The following CSMD2 variants were observed in gnomAD, a reference collection of about 807,000 sequenced individuals.
CSMD2 encodes the protein CUB and sushi domain-containing protein 2.
A neutral mutation model predicts 398.5 loss-of-function variants in CSMD2; 130 were observed. The observed-to-expected ratio is 0.33, with a 90% confidence interval of 0.28 to 0.38. The LOEUF is 0.38. Among genes scored for constraint, CSMD2 ranks in the 10% least tolerant of loss-of-function variants. The pLI is 1.00. For missense variants in CSMD2, 3,829 were observed against 4,764.9 expected, an observed-to-expected ratio of 0.80 and a Z score of 5.78; for synonymous variants, 1,828 against 1,908.5, an observed-to-expected ratio of 0.96 and a Z score of 1.10.
intron 13 of CSMD2, among the ~76,000 whole-genome samples, chr1:33,766,050 T>C (rs1168171979): frequency 1.3e-5 from 2 of 152,220 alleles, no homozygotes; most frequent in Non-Finnish European, 2.9e-5. Flanking sequence ...CTCTGGCCCA[T>C]GGCTACCCAG....
At chr1:33,527,371 T>C in intron 64 of CSMD2, 113 bp from the exon 65 acceptor site, 1 of 763,436 alleles carries the variant, frequency 1.3e-6, no homozygotes, top group Non-Finnish European at 2.1e-6. Flanking sequence ...GAGATCTTGC[T>C]TTCCCCTTAT....
At chr1:33,870,803 A>T (rs1227162753) in intron 5 of CSMD2, 1 of 151,952 alleles carries the variant, frequency 6.6e-6, no homozygotes, top group Non-Finnish European at 1.5e-5. Context: ...AAGTGATAGG[A>T]TTTCACTTCT....
intron 27 of CSMD2, among the ~76,000 whole-genome samples, chr1:33,655,320 G>C (rs1031099400): frequency 1.3e-5 from 2 of 152,208 alleles, no homozygotes; most frequent in African/African-American, 4.8e-5. Context: ...TCCTCATCTC[G>C]AAAGTAAAAG....
chr1:34,072,178 A>G (rs1655799401), intron 2 of CSMD2, among the ~76,000 whole-genome samples: 1 of 152,258 alleles, frequency 6.6e-6, no homozygotes, highest in South Asian at 2.1e-4. Context: ...TTAAGGGTAC[A>G]ATAATTTGGC....
rs1399663739 is a variant in CSMD2, at chr1:33,882,810, TTTCTTCCTTCCA to T, written c.920+35272_920+35283del. 2.6e-5 allele frequency among the ~76,000 whole-genome samples: 4 copies of T among 152,338 alleles called. No homozygotes were observed. The East Asian group carries it at 7.7e-4, about 29-fold the overall frequency. On this transcript the variant is annotated intron_variant, in intron 5 of 70. Coordinates refer to ENST00000373381, the MANE Select transcript of CSMD2 (RefSeq NM_001281956.2). ...TTTACTAGCTAACTTCCCCCTTTCC[TTTCTTCCTTCCA>T]TTCTTCCTTCTTTCCTTCCCTTCTC...
chr1:33,866,511 T>C (rs1189888853), intron 5 of CSMD2, among the ~76,000 whole-genome samples: 1 of 152,232 alleles, frequency 6.6e-6, no homozygotes, highest in African/African-American at 2.4e-5. Context: ...ACAGCTGCTA[T>C]TCCAACTTGG....
chr1:34,155,086 T>C (rs1640686243), intron 1 of CSMD2, among the ~76,000 whole-genome samples: 1 of 152,182 alleles, frequency 6.6e-6, no homozygotes. Context: ...TTATTGGGAT[T>C]GGGATAGCTT....
At position 33,743,599 on chromosome 1, in the gene CSMD2, G is replaced by A. The variant is rs771090984; in HGVS notation, c.1854C>T (p.Cys618=). 6.3e-7 allele frequency: 1 copy of A among 1,593,002 alleles called. No individual in the cohort carries two copies. Among genetic ancestry groups the A allele is most frequent in the South Asian group, 1.1e-5 (1 of 88,420 alleles). The change falls in exon 14 of 71, where the codon TGC becomes TGT. Residue 618 remains cysteine (C), a synonymous_variant. Coordinates refer to ENST00000373381, the MANE Select transcript of CSMD2 (RefSeq NM_001281956.2). ...CAGACGGGCTGGTGAAGTTGAAGAAGCAGGAGACTGCAAGAGAAGAGCAGT... is the reference window on the plus strand; with the variant it reads ...CAGACGGGCTGGTGAAGTTGAAGAAACAGGAGACTGCAAGAGAAGAGCAGT... ...SAKKPGCVFS[C]FFNFTSPSGV...
intron 27 of CSMD2, among the ~76,000 whole-genome samples, chr1:33,656,745 G>T (rs1480433798): frequency 6.6e-6 from 1 of 152,218 alleles, no homozygotes; most frequent in East Asian, 1.9e-4. Context: ...CTAGCTCTGT[G>T]ATTTGGGACA....
intron 3 of CSMD2, 35 bp downstream of exon 3, chr1:34,032,559 C>G: frequency 7.2e-7 from 1 of 1,383,658 alleles, no homozygotes. Context: ...GACATCACAT[C>G]TCCGGCTCCT....
chr1:33,997,068 A>C (rs1646749275), intron 3 of CSMD2, among the ~76,000 whole-genome samples: 1 of 152,184 alleles, frequency 6.6e-6, no homozygotes, highest in South Asian at 2.1e-4. Context: ...TTGTGTTCTC[A>C]ACCCTCAGGC....
At chr1:34,130,308 G>A (rs1404081076) in intron 1 of CSMD2, among the ~76,000 whole-genome samples, 1 of 149,632 alleles carries the variant, frequency 6.7e-6, no homozygotes, top group African/African-American at 2.5e-5. Context: ...GCAGGTATCT[G>A]CAGGGTAAGA....
chr1:33,606,563 G>C lies in CSMD2; in HGVS notation c.6344-1093C>G, dbSNP rs1292217405. Among the ~76,000 whole-genome samples the C allele has an allele frequency of 2.0e-5, 3 of 152,208 alleles. 1 individual carries two copies. Among genetic ancestry groups the C allele is most frequent in the African/African-American group, 7.2e-5 (3 of 41,458 alleles). ...GGGTGGCTGCTTAGCCCCAGGACAG[G>C]CCTGGCCCTGCAGCACGGGGGTTTG... On this transcript the variant is annotated intron_variant, in intron 41 of 70. Coordinates refer to ENST00000373381, the MANE Select transcript of CSMD2 (RefSeq NM_001281956.2).
intron 5 of CSMD2, among the ~76,000 whole-genome samples, chr1:33,852,981 G>T (rs1264672201): frequency 6.6e-6 from 1 of 152,182 alleles, no homozygotes; most frequent in Non-Finnish European, 1.5e-5. Context: ...AAAAAAGTTT[G>T]CTAATTCCTA....
intron 5 of CSMD2, among the ~76,000 whole-genome samples, chr1:33,886,973 AG>A (rs1406457651): frequency 2.6e-5 from 4 of 151,378 alleles, no homozygotes; most frequent in Non-Finnish European, 4.4e-5. Flanking sequence ...TGAGACTCAG[AG>A]GTTTTTTTTT....
At chr1:33,657,804 G>A in intron 27 of CSMD2, 142 bp downstream of exon 27, 1 of 744,224 alleles carries the variant, frequency 1.3e-6, no homozygotes, top group Non-Finnish European at 2.2e-6. Flanking sequence ...GCAAAGCAGG[G>A]TAAACAATGG....
intron 25 of CSMD2, among the ~76,000 whole-genome samples, chr1:33,680,368 G>A (rs1003277441): frequency 1.3e-5 from 2 of 151,748 alleles, no homozygotes; most frequent in East Asian, 1.9e-4. Flanking sequence ...AGCTCTTTAC[G>A]GCTCCTGCTT....
chr1:33,759,049 G>A (rs1649432569), intron 13 of CSMD2, among the ~76,000 whole-genome samples: 1 of 152,170 alleles, frequency 6.6e-6, no homozygotes, highest in South Asian at 2.1e-4. Flanking sequence ...CACAGCAAAA[G>A]TTGACTAATA....
At chr1:33,873,316 A>C (rs192221005) in intron 5 of CSMD2, among the ~76,000 whole-genome samples, 34 of 152,310 alleles carry the variant, frequency 2.2e-4, no homozygotes, top group Middle Eastern at 6.8e-3. Flanking sequence ...CAGAGGGTAG[A>C]TTGTGATAGG....
Sources: gnomAD v4.1 joint callset for allele counts (sites outside exome capture counted in the v4.1 genomes callset) on GRCh38, gnomAD v4.1.1 for gene constraint, MANE v1.5 for transcripts, NCBI Gene and HGNC (gene_info 2026-07-23, HGNC 2026-07-21) for gene names.